The following FSTL5 variants were observed in gnomAD, a reference collection of about 807,000 sequenced individuals.
The protein encoded by FSTL5 is follistatin like 5.
FSTL5 carries 62 observed loss-of-function variants against 89.1 expected under a neutral mutation model. The ratio of observed to expected loss-of-function variants is 0.70; its 90% CI spans 0.57 to 0.86. The LOEUF is 0.86. FSTL5 is among the 40% of genes least tolerant of loss of function. The probability of loss-of-function intolerance (pLI) is 0.00; values close to 1 mark genes in which losing one functional copy is unlikely to be tolerated. For missense variants in FSTL5, 1,057 were observed against 1,001.6 expected (o/e 1.06, Z -0.75); for synonymous variants, 383 against 346.2 (o/e 1.11, Z -1.18).
chr4:161,870,538 T>G (rs150623325), intron 4 of FSTL5, among the ~76,000 whole-genome samples: 53 of 152,294 alleles, frequency 3.5e-4, no homozygotes, highest in African/African-American at 1.2e-3. Context: ...AGGAATATTT[T>G]TCTATTTGGC....
At chr4:161,616,644 C>T (rs919103273) in intron 7 of FSTL5, among the ~76,000 whole-genome samples, 1 of 152,010 alleles carries the variant, frequency 6.6e-6, no homozygotes, top group Non-Finnish European at 1.5e-5. Context: ...CCCTGTCCCT[C>T]TAGAGAATCC....
intron 4 of FSTL5, among the ~76,000 whole-genome samples, chr4:161,855,550 G>A (rs780392174): frequency 5.8e-5 from 8 of 138,830 alleles, no homozygotes; most frequent in Non-Finnish European, 1.1e-4. Context: ...AATATAGGAA[G>A]TGCAGGAAAT....
At chr4:162,029,569 C>G (rs937626418) in intron 3 of FSTL5, among the ~76,000 whole-genome samples, 6 of 152,026 alleles carry the variant, frequency 3.9e-5, no homozygotes, top group African/African-American at 1.2e-4. Context: ...TAAGTCACTT[C>G]TCAAAGATAA....
intron 13 of FSTL5, among the ~76,000 whole-genome samples, chr4:161,476,173 G>GTTTTTTTTTTTT (rs1231231673): frequency 8.0e-4 from 64 of 80,478 alleles, no homozygotes; most frequent in African/African-American, 1.7e-3. Flanking sequence ...AAGTTTGCTG[G>GTTTTTTTTTTTT]TTTTTTTTTT....
intron 6 of FSTL5, among the ~76,000 whole-genome samples, chr4:161,660,528 G>C (rs550070571): frequency 1.3e-5 from 2 of 152,100 alleles, no homozygotes; most frequent in Non-Finnish European, 2.9e-5. Flanking sequence ...ACATAGGTCA[G>C]TGTGTGTCAT....
intron 2 of FSTL5, among the ~76,000 whole-genome samples, chr4:162,101,183 C>T (rs189690754): frequency 6.6e-6 from 1 of 152,294 alleles, no homozygotes; most frequent in Non-Finnish European, 1.5e-5. Flanking sequence ...TCCTATAAAG[C>T]AAACTTTGCA....
intron 6 of FSTL5, among the ~76,000 whole-genome samples, chr4:161,755,407 T>G (rs936129904): frequency 6.6e-6 from 1 of 152,060 alleles, no homozygotes; most frequent in African/African-American, 2.4e-5. Flanking sequence ...ACCATTAACT[T>G]TTTCCTGTTT....
intron 15 of FSTL5, among the ~76,000 whole-genome samples, chr4:161,404,668 TA>T (rs1189120866): frequency 2.1e-5 from 3 of 144,128 alleles, no homozygotes; most frequent in African/African-American, 5.1e-5. Flanking sequence ...TACGTAACAA[TA>T]AAAAAAAATT....
At chr4:162,019,811 G>T in intron 3 of FSTL5, among the ~76,000 whole-genome samples, 2 of 149,112 alleles carry the variant, frequency 1.3e-5, no homozygotes. Flanking sequence ...TTATGATATG[G>T]TTTTCAAAAG....
At chr4:161,595,393 C>T (rs1423890067) in intron 7 of FSTL5, among the ~76,000 whole-genome samples, 2 of 151,942 alleles carry the variant, frequency 1.3e-5, no homozygotes, top group Admixed American at 1.3e-4. Context: ...AATATTTCAT[C>T]AGAGATTCAA....
chr4:161,967,914 G>C (rs1046109628), intron 3 of FSTL5, among the ~76,000 whole-genome samples: 1 of 151,894 alleles, frequency 6.6e-6, no homozygotes, highest in Non-Finnish European at 1.5e-5. Context: ...ATAATATTTT[G>C]TGTTGAAAAT....
At chr4:161,789,968 T>G (rs527771323) in intron 4 of FSTL5, among the ~76,000 whole-genome samples, 73 of 152,326 alleles carry the variant, frequency 4.8e-4, no homozygotes, top group Non-Finnish European at 8.7e-4. Flanking sequence ...TTCAAAAAAG[T>G]GCAGCTCAGT....
chr4:162,071,489 T>C (rs1729621091), intron 2 of FSTL5, among the ~76,000 whole-genome samples: 1 of 151,678 alleles, frequency 6.6e-6, no homozygotes, highest in African/African-American at 2.4e-5. Flanking sequence ...CACCCCGACA[T>C]ATAACGGAAA....
At chr4:161,869,039 T>C (rs1405512236) in intron 4 of FSTL5, among the ~76,000 whole-genome samples, 1 of 151,928 alleles carries the variant, frequency 6.6e-6, no homozygotes, top group Non-Finnish European at 1.5e-5. Flanking sequence ...CTGGCCAACA[T>C]GGTGAAACCT....
rs1553965825 is a variant in FSTL5 at position 161,784,895 on chromosome 4, A to AAAAAAAAAAAAAAAAAAC, written c.410-8822_410-8821insGTTTTTTTTTTTTTTTTT. ...GCGACAGAGCAAGACTCCGTCTCAA[A>AAAAAAAAAAAAAAAAAAC]AAAAACAAAAACAAACAAACAAAAA... On this transcript the variant is annotated intron_variant, in intron 4 of 15. Coordinates refer to ENST00000306100, the MANE Select transcript of FSTL5 (RefSeq NM_020116.5). 2.9e-4 allele frequency among the ~76,000 whole-genome samples: 41 copies of AAAAAAAAAAAAAAAAAAC among 142,006 alleles called. 3 individuals are homozygous for AAAAAAAAAAAAAAAAAAC. Among genetic ancestry groups the AAAAAAAAAAAAAAAAAAC allele is most frequent in the African/African-American group, 9.0e-4 (34 of 37,734 alleles). 93.2% of individuals were successfully genotyped at this position (142,006 alleles called of 152,430 possible). A position where few individuals can be genotyped will look rare whatever the true frequency, so the allele number is the denominator to read the frequency against.
chr4:161,666,627 T>A (rs1239251924), intron 6 of FSTL5, among the ~76,000 whole-genome samples: 2 of 152,064 alleles, frequency 1.3e-5, no homozygotes, highest in African/African-American at 4.8e-5. Context: ...CATAATTTTT[T>A]AAGACACCTT....
chr4:161,865,350 A>ATCAT (rs1410488610), intron 4 of FSTL5, among the ~76,000 whole-genome samples: 1 of 152,208 alleles, frequency 6.6e-6, no homozygotes, highest in Admixed American at 6.5e-5. Flanking sequence ...TTGTGCAAAG[A>ATCAT]TCATTATTCA....
At chr4:161,412,433 C>T (rs1057415631) in intron 15 of FSTL5, among the ~76,000 whole-genome samples, 16 of 151,784 alleles carry the variant, frequency 1.1e-4, no homozygotes, top group African/African-American at 3.6e-4. Flanking sequence ...CCTGACTTCA[C>T]ACTGGGAACT....
intron 3 of FSTL5, among the ~76,000 whole-genome samples, chr4:161,943,510 T>C (rs1346043236): frequency 6.6e-6 from 1 of 150,776 alleles, no homozygotes; most frequent in Non-Finnish European, 1.5e-5. Flanking sequence ...AAGTTTTTTA[T>C]TGGACTTTTA....
Sources: gnomAD v4.1 joint callset for allele counts (sites outside exome capture counted in the v4.1 genomes callset) on GRCh38, gnomAD v4.1.1 for gene constraint, MANE v1.5 for transcripts, NCBI Gene and HGNC (gene_info 2026-07-23, HGNC 2026-07-21) for gene names.